RGS17: variants seen among roughly 807,000 people sequenced by gnomAD.
RGS17 encodes regulator of G protein signaling 17, also known as regulator of G-protein signaling 17.
RGS17 carries 12 observed loss-of-function variants against 25.5 expected under a neutral mutation model. The ratio of observed to expected loss-of-function variants is 0.47; its 90% CI spans 0.30 to 0.76. The LOEUF (loss-of-function observed/expected upper bound fraction) is 0.76. Ranked by LOEUF, RGS17 falls within the 30% of genes least tolerant of loss-of-function variation. RGS17 has a pLI of 0.07. For synonymous variants in RGS17, 71 were observed against 76.9 expected, an observed-to-expected ratio of 0.92 and a Z score of 0.40; for missense variants, 196 against 242.2, an observed-to-expected ratio of 0.81 and a Z score of 1.27.
chr6:153,034,766 C>G (rs1430601303), intron 2 of RGS17, among the ~76,000 whole-genome samples: 3 of 152,192 alleles, frequency 2.0e-5, no homozygotes, highest in Non-Finnish European at 4.4e-5. Context: ...TCAAATATGG[C>G]AAGACTACCT....
chr6:153,098,092 G>A (rs986340733), intron 1 of RGS17, among the ~76,000 whole-genome samples: 5 of 152,116 alleles, frequency 3.3e-5, no homozygotes, highest in Admixed American at 1.3e-4. Flanking sequence ...TTCTTAGATC[G>A]AGAAAGTAAA....
intron 2 of RGS17, among the ~76,000 whole-genome samples, chr6:153,037,460 CTG>C (rs1179892300): frequency 1.3e-5 from 2 of 149,258 alleles, no homozygotes; most frequent in Non-Finnish European, 3.0e-5. Context: ...CAGAGTCTCT[CTG>C]TTGCCCAGGC....
At chr6:153,082,410 G>T (rs1039855627) in intron 1 of RGS17, among the ~76,000 whole-genome samples, 9 of 151,964 alleles carry the variant, frequency 5.9e-5, no homozygotes, top group African/African-American at 2.2e-4. Flanking sequence ...TCCTCTCTGT[G>T]TCTTAAGCTG....
At chr6:153,108,399 T>C (rs898897063) in intron 1 of RGS17, among the ~76,000 whole-genome samples, 6 of 152,154 alleles carry the variant, frequency 3.9e-5, no homozygotes, top group African/African-American at 1.4e-4. Flanking sequence ...GAAACAAGTT[T>C]GGCAGGCAAA....
chr6:153,102,676 T>C (rs1009248415), intron 1 of RGS17, among the ~76,000 whole-genome samples: 4 of 152,172 alleles, frequency 2.6e-5, no homozygotes, highest in African/African-American at 7.2e-5. Context: ...CTAATCACAG[T>C]TGTCAACTGA....
intron 2 of RGS17, among the ~76,000 whole-genome samples, chr6:153,038,576 G>A: frequency 6.6e-6 from 1 of 152,212 alleles, no homozygotes; most frequent in East Asian, 1.9e-4. Flanking sequence ...AGATGAATCA[G>A]CTCTCTGAGG....
intron 1 of RGS17, among the ~76,000 whole-genome samples, chr6:153,107,785 C>A (rs1255289299): frequency 6.6e-6 from 1 of 152,226 alleles, no homozygotes; most frequent in Non-Finnish European, 1.5e-5. Context: ...AAAACACCAA[C>A]AGGTGCATTA....
intron 2 of RGS17, among the ~76,000 whole-genome samples, chr6:153,035,258 T>G (rs1371002455): frequency 6.6e-6 from 1 of 152,158 alleles, no homozygotes; most frequent in Non-Finnish European, 1.5e-5. Context: ...CATTAATATG[T>G]AACATATTAA....
intron 4 of RGS17, among the ~76,000 whole-genome samples, chr6:153,020,578 T>C (rs886549385): frequency 6.6e-6 from 1 of 152,212 alleles, no homozygotes; most frequent in African/African-American, 2.4e-5. Flanking sequence ...AAGTTATCTA[T>C]ATATAAATGA....
intron 1 of RGS17, among the ~76,000 whole-genome samples, chr6:153,075,899 T>C (rs1333588174): frequency 6.6e-6 from 1 of 152,160 alleles, no homozygotes; most frequent in Admixed American, 6.6e-5. Flanking sequence ...TACAAAACAA[T>C]GACACATAGG....
intron 1 of RGS17, among the ~76,000 whole-genome samples, chr6:153,079,529 A>G (rs774297747): frequency 2.8e-4 from 42 of 152,266 alleles, no homozygotes; most frequent in Admixed American, 2.0e-4. Context: ...TTAATGTTGA[A>G]TTTTGTAATT....
intron 1 of RGS17, among the ~76,000 whole-genome samples, chr6:153,048,234 A>ATTTAC (rs1776409703): frequency 6.6e-6 from 1 of 152,212 alleles, no homozygotes; most frequent in South Asian, 2.1e-4. Context: ...ATTTTACTGA[A>ATTTAC]TGAAAAGCCT....
At chr6:153,084,932 C>A (rs965171076) in intron 1 of RGS17, among the ~76,000 whole-genome samples, 8 of 152,002 alleles carry the variant, frequency 5.3e-5, no homozygotes, top group African/African-American at 1.9e-4. Context: ...TTTTTGAGTA[C>A]GTTTGTATGC....
At chr6:153,071,036 C>T (rs530566940) in intron 1 of RGS17, among the ~76,000 whole-genome samples, 1 of 146,654 alleles carries the variant, frequency 6.8e-6, no homozygotes, top group East Asian at 2.0e-4. Context: ...TGTATATATA[C>T]GTATATGTAC....
chr6:153,035,058 G>A (rs1381224862), intron 2 of RGS17, among the ~76,000 whole-genome samples: 1 of 151,752 alleles, frequency 6.6e-6, no homozygotes, highest in Non-Finnish European at 1.5e-5. Flanking sequence ...GGAGGCTGAG[G>A]CAAGAGAATT....
intron 1 of RGS17, among the ~76,000 whole-genome samples, chr6:153,076,848 A>G (rs1188106523): frequency 6.6e-6 from 1 of 152,258 alleles, no homozygotes; most frequent in Admixed American, 6.5e-5. Context: ...ATGAAAAAAC[A>G]TCATTTTTCA....
At position 153,006,166 on chromosome 6, in the gene RGS17, T is replaced by C. The variant is rs1482049908; in HGVS notation, c.*5408A>G. The C allele has an allele frequency of 6.6e-6, 1 of 152,162 alleles. No homozygotes were observed. Among genetic ancestry groups the C allele is most frequent in the Admixed American group, 6.5e-5 (1 of 15,282 alleles). 9.4% of individuals were successfully genotyped at this position (152,162 alleles called of 1,614,324 possible). A position where few individuals can be genotyped will look rare whatever the true frequency, so the allele number is the denominator to read the frequency against. On this transcript the variant is annotated 3_prime_UTR_variant, in exon 5 of 5. Transcript: ENST00000206262. ...GTGCCTGGCCCATTACCACCTTTTA[T>C]TAAGTTTTTATTTTCATTGTAAAAT...
chr6:153,027,177 A>T (rs1779312102), intron 2 of RGS17, among the ~76,000 whole-genome samples: 1 of 152,154 alleles, frequency 6.6e-6, no homozygotes. Context: ...ACAGGTGAGC[A>T]TTGGGTGGGA....
At chr6:153,091,957 C>T (rs1210976299) in intron 1 of RGS17, among the ~76,000 whole-genome samples, 1 of 152,112 alleles carries the variant, frequency 6.6e-6, no homozygotes, top group Non-Finnish European at 1.5e-5. Flanking sequence ...GATCAAGCCA[C>T]GAGCTTTTTA....
Sources: gnomAD v4.1 joint callset for allele counts (sites outside exome capture counted in the v4.1 genomes callset) on GRCh38, gnomAD v4.1.1 for gene constraint, MANE v1.5 for transcripts, NCBI Gene and HGNC (gene_info 2026-07-23, HGNC 2026-07-21) for gene names.